PCDHA1: variants seen among roughly 807,000 people sequenced by gnomAD.
The protein encoded by PCDHA1 is protocadherin alpha-1.
A neutral mutation model predicts 61.3 loss-of-function variants in PCDHA1; 42 were observed. The ratio of observed to expected loss-of-function variants is 0.69; its 90% CI spans 0.54 to 0.89. PCDHA1 has a LOEUF of 0.89. PCDHA1 is among the 40% of genes least tolerant of loss of function. The pLI is 0.00. For synonymous variants in PCDHA1, 610 were observed against 553.8 expected (o/e 1.10, Z -1.43); for missense variants, 1,256 against 1,235.3 (o/e 1.02, Z -0.25).
At chr5:140,912,472 G>A (rs993404931) in intron 1 of PCDHA1, among the ~76,000 whole-genome samples, 4 of 151,836 alleles carry the variant, frequency 2.6e-5, no homozygotes, top group African/African-American at 9.7e-5. Context: ...GAACTTTACT[G>A]AATTCATTTA....
intron 1 of PCDHA1, chr5:140,836,066 C>A (rs2150251751): frequency 2.5e-6 from 4 of 1,613,652 alleles, no homozygotes; most frequent in Admixed American, 3.3e-5. Context: ...AGAACGACAA[C>A]GCGCCGGCAC....
At chr5:140,927,417 G>A (rs74597681) in intron 1 of PCDHA1, 37,118 of 1,614,096 alleles carry the variant, frequency 0.023, 560 homozygotes, top group African/African-American at 0.056. Flanking sequence ...ACATGGGATC[G>A]CGGGTTGACG....
chr5:140,866,180 T>C (rs2049194377), intron 1 of PCDHA1: 1 of 152,136 alleles, frequency 6.6e-6, no homozygotes, highest in African/African-American at 2.4e-5. Context: ...GTAAGAAAAG[T>C]CAGAAAACTG....
chr5:140,858,019 G>A (rs377389644), intron 1 of PCDHA1: 1 of 1,596,850 alleles, frequency 6.3e-7, no homozygotes, highest in Non-Finnish European at 8.6e-7. Flanking sequence ...GCGAGCCGTC[G>A]CTGACGGCCA....
chr5:140,973,674 T>A (rs782774613), intron 1 of PCDHA1, among the ~76,000 whole-genome samples: 10 of 152,264 alleles, frequency 6.6e-5, no homozygotes, highest in Non-Finnish European at 1.3e-4. Flanking sequence ...GTAGCTTGAA[T>A]GTCATTGGCC....
chr5:140,790,202 G>A (rs1554118503), intron 1 of PCDHA1, among the ~76,000 whole-genome samples: 1 of 152,096 alleles, frequency 6.6e-6, no homozygotes, highest in African/African-American at 2.4e-5. Flanking sequence ...AAATATACTG[G>A]GCAGCACGTT....
intron 1 of PCDHA1, among the ~76,000 whole-genome samples, chr5:140,880,522 T>C (rs2058372712): frequency 6.6e-6 from 1 of 152,232 alleles, no homozygotes; most frequent in South Asian, 2.1e-4. Flanking sequence ...CATCTCTCAA[T>C]GTGTGAATCA....
intron 1 of PCDHA1, chr5:140,823,947 G>A: frequency 6.2e-7 from 1 of 1,613,980 alleles, no homozygotes; most frequent in South Asian, 1.1e-5. Flanking sequence ...GGTGCTCGGC[G>A]CAGCCCACCG....
rs117279546 is a variant in PCDHA1 at position 140,845,433 on chromosome 5, T to C, written c.2394+56749T>C. On this transcript the variant is annotated intron_variant, in intron 1 of 3. Coordinates refer to ENST00000504120, the MANE Select transcript of PCDHA1 (RefSeq NM_018900.4). ...TGGCAATTTATCATTTAAGTCATTT[T>C]AGTTCTGTTTTTCTTCAACTCTCTG... Among the ~76,000 whole-genome samples the C allele has an allele frequency of 1.1e-4, 16 of 149,790 alleles. No individual in the cohort carries two copies. In the East Asian group the frequency reaches 2.1e-3, roughly 20 times the overall value.
intron 3 of PCDHA1, among the ~76,000 whole-genome samples, chr5:141,000,385 C>CAA (rs1399640915): frequency 2.3e-4 from 15 of 64,992 alleles, no homozygotes; most frequent in African/African-American, 9.7e-4. Context: ...CTCTCTCTCT[C>CAA]TCTCTCTCTC....
intron 1 of PCDHA1, chr5:140,968,445 G>C (rs782157846): frequency 1.2e-6 from 2 of 1,613,954 alleles, no homozygotes; most frequent in African/African-American, 2.7e-5. Context: ...CCACCACTGA[G>C]CAGCACTGTG....
chr5:140,836,796 CCTT>C (rs2150270187), intron 1 of PCDHA1: 1 of 1,377,882 alleles, frequency 7.3e-7, no homozygotes, highest in Non-Finnish European at 9.9e-7. Flanking sequence ...CAATTGGTCT[CCTT>C]AAATTTTCTT....
In PCDHA1 at chr5:141,009,994, C is replaced by T; in HGVS notation, c.*57C>T. 1.3e-6 allele frequency: 2 copies of T among 1,577,076 alleles called. No individual in the cohort carries two copies. Among genetic ancestry groups the T allele is most frequent in the South Asian group, 1.2e-5 (1 of 83,074 alleles). On this transcript the variant is annotated 3_prime_UTR_variant, in exon 4 of 4. Transcript: ENST00000504120. Reference sequence around the variant, plus strand: ...GTTTTTGTAATAATGGCAAATCTCTCCCATGTAGCAATTCCCTGCTCCTTT... The same window carrying T: ...GTTTTTGTAATAATGGCAAATCTCTTCCATGTAGCAATTCCCTGCTCCTTT...
At chr5:140,837,960 C>T (rs1483663172) in intron 1 of PCDHA1, among the ~76,000 whole-genome samples, 2 of 151,794 alleles carry the variant, frequency 1.3e-5, no homozygotes, top group African/African-American at 2.4e-5. Context: ...ATTACAGACA[C>T]GAACAACCAC....
chr5:140,828,991 A>G (rs1770068473), intron 1 of PCDHA1: 1 of 1,613,938 alleles, frequency 6.2e-7, no homozygotes, highest in Non-Finnish European at 8.5e-7. Context: ...GAAATACGGG[A>G]GAAATAGTGA....
At position 141,003,197 on chromosome 5, in the gene PCDHA1, C is replaced by T. The variant is rs77453404; in HGVS notation, c.2543-6430C>T. 6.7e-3 allele frequency among the ~76,000 whole-genome samples: 1,024 copies of T among 152,320 alleles called. 13 individuals are homozygous for T. Among genetic ancestry groups the T allele is most frequent in the African/African-American group, 0.024 (986 of 41,560 alleles). On this transcript the variant is annotated intron_variant, in intron 3 of 3. Transcript: ENST00000504120. ...GGCTCAACTCCATCAACTCAGGCAGCCAGGGTTAGTTTAGCATGAAAGAGG... is the reference window on the plus strand; with the variant it reads ...GGCTCAACTCCATCAACTCAGGCAGTCAGGGTTAGTTTAGCATGAAAGAGG...
Position 140,787,548 on chromosome 5 carries a change from G to T in PCDHA1, c.1258G>T (p.Val420Phe). The change falls in exon 1 of 4, where the codon GTC becomes TTC. Residue 420 changes from valine to phenylalanine, a missense_variant. Val to Phe is a conservative substitution (Grantham distance 50, BLOSUM62 -1). Coordinates refer to ENST00000504120, the MANE Select transcript of PCDHA1 (RefSeq NM_018900.4). Reference protein sequence around the residue: ...DSALDRESLSVYELVVTARDG... With the variant: ...DSALDRESLSFYELVVTARDG... ...CGCCCTGGATCGCGAGAGCCTGTCG[G>T]TCTATGAGCTGGTGGTGACCGCGCG... 2 of 1,614,234 alleles carry T rather than the reference G, an allele frequency of 1.2e-6. No individual in the cohort carries two copies. The highest frequency in any genetic ancestry group is 1.1e-5 in the South Asian group (1 of 91,082).
chr5:140,851,054 T>G, intron 1 of PCDHA1: 1 of 1,379,124 alleles, frequency 7.3e-7, no homozygotes, highest in Non-Finnish European at 9.5e-7. Context: ...GACTTTGTCT[T>G]GACTTCTAGT....
chr5:140,805,334 TG>T (rs1360403041), intron 1 of PCDHA1: 49 of 1,235,068 alleles, frequency 4.0e-5, no homozygotes, highest in Non-Finnish European at 4.7e-5. Flanking sequence ...TTGATGTCAA[TG>T]ATCATTTTGT....
Sources: gnomAD v4.1 joint callset for allele counts (sites outside exome capture counted in the v4.1 genomes callset) on GRCh38, gnomAD v4.1.1 for gene constraint, MANE v1.5 for transcripts, NCBI Gene and HGNC (gene_info 2026-07-23, HGNC 2026-07-21) for gene names.